KIF6: variants seen among roughly 807,000 people sequenced by gnomAD.
The protein encoded by KIF6 is kinesin-like protein KIF6.
In KIF6, 106 loss-of-function variants were observed where a neutral mutation model predicts 112.7. The observed-to-expected ratio is 0.94, with a 90% CI of 0.80 to 1.11. The LOEUF (loss-of-function observed/expected upper bound fraction) is 1.11. Ranked by LOEUF, KIF6 falls within the 50% of genes least tolerant of loss-of-function variation. KIF6 has a pLI of 0.00. For missense variants in KIF6, 929 were observed against 964.0 expected (o/e 0.96, Z 0.48); for synonymous variants, 339 against 339.9 (o/e 1.00, Z 0.03).
chr6:39,644,240 A>T (rs1217648052), intron 3 of KIF6, among the ~76,000 whole-genome samples: 1 of 152,128 alleles, frequency 6.6e-6, no homozygotes, highest in Non-Finnish European at 1.5e-5. Flanking sequence ...CTGGAAATGT[A>T]AAATGGTACA....
chr6:39,501,748 C>T (rs1452019843), intron 13 of KIF6, among the ~76,000 whole-genome samples: 1 of 152,084 alleles, frequency 6.6e-6, no homozygotes, highest in Non-Finnish European at 1.5e-5. Flanking sequence ...GGAAGACTAG[C>T]TTCTGGATTA....
chr6:39,348,317 G>A (rs939015443), intron 19 of KIF6, among the ~76,000 whole-genome samples: 7 of 152,190 alleles, frequency 4.6e-5, no homozygotes, highest in African/African-American at 1.7e-4. Context: ...AGAGGATGGA[G>A]AGATGGATGG....
intron 12 of KIF6, among the ~76,000 whole-genome samples, chr6:39,541,638 G>A (rs191626302): frequency 1.3e-5 from 2 of 152,272 alleles, no homozygotes; most frequent in East Asian, 1.9e-4. Flanking sequence ...CGTCCTACTG[G>A]GGAAAGACGT....
At chr6:39,362,884 C>T (rs1212459576) in intron 16 of KIF6, among the ~76,000 whole-genome samples, 1 of 152,212 alleles carries the variant, frequency 6.6e-6, no homozygotes, top group Non-Finnish European at 1.5e-5. Context: ...CACAGTGGCT[C>T]ACGCTTGTAA....
At chr6:39,521,489 G>A (rs572047388) in intron 13 of KIF6, among the ~76,000 whole-genome samples, 10 of 152,286 alleles carry the variant, frequency 6.6e-5, no homozygotes, top group Admixed American at 1.3e-4. Context: ...CGGCCTCCAA[G>A]TCAGTGCCCC....
At chr6:39,677,404 T>G (rs992091222) in intron 3 of KIF6, among the ~76,000 whole-genome samples, 1 of 152,110 alleles carries the variant, frequency 6.6e-6, no homozygotes, top group African/African-American at 2.4e-5. Flanking sequence ...AAAATTCACA[T>G]GGATATAGCA....
rs147741579 is a variant in KIF6, at chr6:39,533,550, T to A, written c.1645+6453A>T. Among the ~76,000 whole-genome samples the A allele has an allele frequency of 2.8e-3, 420 of 152,350 alleles. 4 individuals are homozygous for A. Among genetic ancestry groups the A allele is most frequent in the Non-Finnish European group, 5.1e-3 (350 of 68,034 alleles). On this transcript the variant is annotated intron_variant, in intron 13 of 22. Coordinates refer to ENST00000287152, the MANE Select transcript of KIF6 (RefSeq NM_145027.6). ...GAGCCCACCACAGTTCAAGGAGGCC[T>A]GCCTGCCTCTGTAGGCTCCACCTCT...
chr6:39,583,628 G>T (rs575189319), intron 9 of KIF6: 4,386 of 218,278 alleles, frequency 0.02, 54 homozygotes, highest in Non-Finnish European at 0.031. Flanking sequence ...GTTTTTTTTT[G>T]ATTTGAGAAA....
intron 22 of KIF6, among the ~76,000 whole-genome samples, chr6:39,340,196 G>T (rs116705492): frequency 1.5e-3 from 236 of 152,346 alleles, no homozygotes; most frequent in African/African-American, 5.3e-3. Flanking sequence ...TTGTGGCCCC[G>T]TGGTCACTGA....
chr6:39,640,647 A>G (rs1784853905), intron 3 of KIF6, among the ~76,000 whole-genome samples: 1 of 152,058 alleles, frequency 6.6e-6, no homozygotes. Flanking sequence ...ATTCCTCCCT[A>G]TTAGTTCTGT....
chr6:39,555,178 G>GC (rs1468788205), intron 10 of KIF6, among the ~76,000 whole-genome samples: 1 of 152,130 alleles, frequency 6.6e-6, no homozygotes, highest in Non-Finnish European at 1.5e-5. Context: ...CAAAGTGTTT[G>GC]CCTCTCCTTT....
chr6:39,389,519 G>A (rs540572754), intron 15 of KIF6, among the ~76,000 whole-genome samples: 4 of 152,266 alleles, frequency 2.6e-5, no homozygotes, highest in African/African-American at 9.6e-5. Flanking sequence ...AGGAAAGTCA[G>A]TGCAGTACAG....
chr6:39,414,022 G>A (rs1317930799), intron 15 of KIF6, among the ~76,000 whole-genome samples: 2 of 152,112 alleles, frequency 1.3e-5, no homozygotes, highest in Non-Finnish European at 2.9e-5. Flanking sequence ...TTCTATTCTT[G>A]TAGGGATCTG....
At chr6:39,447,428 C>G (rs760735920) in intron 13 of KIF6, among the ~76,000 whole-genome samples, 9 of 152,016 alleles carry the variant, frequency 5.9e-5, no homozygotes, top group Non-Finnish European at 1.3e-4. Context: ...ACAATTTCCC[C>G]CACTGGATTA....
intron 17 of KIF6, among the ~76,000 whole-genome samples, chr6:39,361,321 G>T (rs1033063989): frequency 6.6e-6 from 1 of 152,066 alleles, no homozygotes; most frequent in Admixed American, 6.5e-5. Flanking sequence ...CACTTTGGGA[G>T]GCTGAGGCGG....
chr6:39,476,567 G>T (rs1024482514), intron 13 of KIF6, among the ~76,000 whole-genome samples: 1 of 152,184 alleles, frequency 6.6e-6, no homozygotes, highest in South Asian at 2.1e-4. Flanking sequence ...GAAGCTAGAA[G>T]TAGCCTGAGG....
intron 3 of KIF6, among the ~76,000 whole-genome samples, chr6:39,660,093 T>C (rs1786044690): frequency 6.6e-6 from 1 of 152,188 alleles, no homozygotes; most frequent in African/African-American, 2.4e-5. Flanking sequence ...GTAGGATTGC[T>C]TGAGCTCAGG....
intron 13 of KIF6, among the ~76,000 whole-genome samples, chr6:39,432,167 G>A (rs576658048): frequency 1.3e-5 from 2 of 152,202 alleles, no homozygotes; most frequent in Non-Finnish European, 1.5e-5. Flanking sequence ...CTGGTGAAAT[G>A]TAAGTTTCTC....
At chr6:39,631,322 T>G (rs759615420) in intron 5 of KIF6, among the ~76,000 whole-genome samples, 4 of 152,060 alleles carry the variant, frequency 2.6e-5, no homozygotes, top group Non-Finnish European at 4.4e-5. Context: ...CCATACTATA[T>G]TGAAGAAAAA....
Sources: allele counts gnomAD v4.1 joint callset (sites outside exome capture counted in the v4.1 genomes callset), GRCh38; gene constraint gnomAD v4.1.1; transcripts MANE v1.5; gene names NCBI Gene and HGNC (gene_info 2026-07-23, HGNC 2026-07-21).